SNTG1: variants seen among roughly 807,000 people sequenced by gnomAD.
SNTG1 encodes the protein syntrophin gamma 1, also known as gamma-1-syntrophin.
In SNTG1, 39 loss-of-function variants were observed where a neutral mutation model predicts 74.7. The ratio of observed to expected loss-of-function variants is 0.52; its 90% CI spans 0.40 to 0.68. The LOEUF (loss-of-function observed/expected upper bound fraction) is 0.68, where lower values mean the gene tolerates loss of function less well. Ranked by LOEUF, SNTG1 falls within the 30% of genes least tolerant of loss-of-function variation. The probability of loss-of-function intolerance (pLI) is 0.00; values close to 1 mark genes in which losing one functional copy is unlikely to be tolerated. For synonymous variants in SNTG1, 254 were observed against 217.1 expected (o/e 1.17, Z -1.49); for missense variants, 685 against 609.5 (o/e 1.12, Z -1.30).
At chr8:50,685,382 C>T (rs926074815) in intron 15 of SNTG1, among the ~76,000 whole-genome samples, 6 of 151,990 alleles carry the variant, frequency 3.9e-5, no homozygotes, top group African/African-American at 9.7e-5. Flanking sequence ...TATATAAGCC[C>T]CTTTGCCTCC....
intron 8 of SNTG1, among the ~76,000 whole-genome samples, chr8:50,501,617 T>TA (rs547043751): frequency 0.033 from 4,903 of 147,840 alleles, 122 homozygotes; most frequent in Non-Finnish European, 0.049. Flanking sequence ...TTTTATTTTT[T>TA]TTTTTTTTTT....
chr8:50,058,080 C>G (rs993106916), intron 1 of SNTG1, among the ~76,000 whole-genome samples: 1 of 152,086 alleles, frequency 6.6e-6, no homozygotes, highest in African/African-American at 2.4e-5. Context: ...AGCTCCACCT[C>G]AAAATCCCAA....
At position 50,540,945 on chromosome 8, in the gene SNTG1, A is replaced by G. The variant is rs138151178; in HGVS notation, c.680+4137A>G. On this transcript the variant is annotated intron_variant, in intron 11 of 18. Coordinates refer to ENST00000642720, the MANE Select transcript of SNTG1 (RefSeq NM_018967.5). ...TCTATATATTATACATATATTTGCA[A>G]TATTCTTTGTTGTTTTTAATCCAAA... Among the ~76,000 whole-genome samples, 32 of 152,090 alleles carry G rather than the reference A, an allele frequency of 2.1e-4. No individual in the cohort carries two copies. The East Asian group carries it at 5.6e-3, about 27-fold the overall frequency.
chr8:50,438,660 C>T, intron 5 of SNTG1, 61 bp downstream of exon 5: 4 of 1,364,380 alleles, frequency 2.9e-6, no homozygotes, highest in East Asian at 4.7e-5. Flanking sequence ...AACTTTGGTG[C>T]ATTTCAATGT....
At chr8:50,540,567 G>C (rs1317653845) in intron 11 of SNTG1, among the ~76,000 whole-genome samples, 1 of 151,994 alleles carries the variant, frequency 6.6e-6, no homozygotes, top group South Asian at 2.1e-4. Context: ...TCTGTTTATT[G>C]TATTAGGTTT....
Position 50,611,977 on chromosome 8 carries a change from C to T in SNTG1, c.849+21060C>T, listed in dbSNP as rs368206819. ...CTCCCCATGTTGTCCAGGCTGATCT[C>T]GAACTCCTGGGTTCAAACGGTTCAT... On this transcript the variant is annotated intron_variant, in intron 13 of 18. Coordinates refer to ENST00000642720, the MANE Select transcript of SNTG1 (RefSeq NM_018967.5). 9.2e-5 allele frequency among the ~76,000 whole-genome samples: 14 copies of T among 152,166 alleles called. No homozygotes were observed. The South Asian group carries it at 1.9e-3, about 20-fold the overall frequency.
intron 1 of SNTG1, among the ~76,000 whole-genome samples, chr8:49,986,143 A>C (rs1813132735): frequency 6.6e-6 from 1 of 152,210 alleles, no homozygotes. Context: ...TATCGAGGTA[A>C]GTTTCTGGCA....
chr8:50,432,167 T>C (rs142950655), intron 4 of SNTG1, among the ~76,000 whole-genome samples: 1 of 152,322 alleles, frequency 6.6e-6, no homozygotes, highest in Non-Finnish European at 1.5e-5. Context: ...TTTAAGCCTA[T>C]CTATGATACA....
At chr8:50,425,685 G>T (rs754628095) in intron 4 of SNTG1, among the ~76,000 whole-genome samples, 1 of 152,136 alleles carries the variant, frequency 6.6e-6, no homozygotes, top group Non-Finnish European at 1.5e-5. Flanking sequence ...TGCCAAAAAG[G>T]TTAGGGACTG....
chr8:49,943,814 A>G (rs1808913131), intron 1 of SNTG1, among the ~76,000 whole-genome samples: 1 of 152,194 alleles, frequency 6.6e-6, no homozygotes, highest in African/African-American at 2.4e-5. Context: ...TTTGCATTTT[A>G]TTTCCATTTT....
intron 1 of SNTG1, among the ~76,000 whole-genome samples, chr8:50,159,815 T>G (rs950504908): frequency 6.6e-6 from 1 of 152,154 alleles, no homozygotes; most frequent in African/African-American, 2.4e-5. Flanking sequence ...CCATTGGTCT[T>G]ACAGGTTCCA....
chr8:50,173,305 C>T (rs1363571160), intron 2 of SNTG1, among the ~76,000 whole-genome samples: 1 of 152,070 alleles, frequency 6.6e-6, no homozygotes, highest in Non-Finnish European at 1.5e-5. Flanking sequence ...GTGAACGTGG[C>T]TAGAAAAGGT....
chr8:50,139,068 T>G (rs2081574508), intron 1 of SNTG1, among the ~76,000 whole-genome samples: 2 of 152,318 alleles, frequency 1.3e-5, no homozygotes, highest in South Asian at 2.1e-4. Flanking sequence ...ATTTGTAATG[T>G]GTATATTTGC....
intron 1 of SNTG1, among the ~76,000 whole-genome samples, chr8:50,093,466 C>G (rs769925556): frequency 6.6e-6 from 1 of 151,996 alleles, no homozygotes; most frequent in African/African-American, 2.4e-5. Context: ...CAGTAATTAG[C>G]ACCAAATAAC....
chr8:49,929,916 T>C (rs922046165), intron 1 of SNTG1, among the ~76,000 whole-genome samples: 2 of 131,442 alleles, frequency 1.5e-5, no homozygotes, highest in Non-Finnish European at 3.1e-5. Context: ...CCTTCCTGTG[T>C]CCATGTGATC....
intron 13 of SNTG1, among the ~76,000 whole-genome samples, chr8:50,600,572 C>T (rs80334771): frequency 1.3e-5 from 2 of 152,034 alleles, no homozygotes; most frequent in African/African-American, 2.4e-5. Context: ...CAATTTATTG[C>T]CATATATTTT....
intron 1 of SNTG1, among the ~76,000 whole-genome samples, chr8:50,014,692 T>A (rs535686140): frequency 5.7e-4 from 86 of 152,168 alleles, no homozygotes; most frequent in African/African-American, 1.9e-3. Flanking sequence ...AGGCAAGCAA[T>A]GTAGGGAAAA....
At chr8:50,514,950 A>T (rs2094118628) in intron 9 of SNTG1, among the ~76,000 whole-genome samples, 1 of 152,180 alleles carries the variant, frequency 6.6e-6, no homozygotes, top group Admixed American at 6.5e-5. Flanking sequence ...TTCATGGTGA[A>T]TTGACAGTTT....
rs546373274 is a variant in SNTG1 at position 50,543,758 on chromosome 8, G to A, written c.680+6950G>A. On this transcript the variant is annotated intron_variant, in intron 11 of 18. Transcript: ENST00000642720. ...TAATAGTATTTTAGTCTTTTAAGAA[G>A]CAACCAAATTGCTCTCTAGAGTGAT... Among the ~76,000 whole-genome samples the A allele has an allele frequency of 5.9e-5, 9 of 151,934 alleles. No homozygotes were observed. The South Asian group carries it at 1.9e-3, about 31-fold the overall frequency.
Sources: allele counts gnomAD v4.1 joint callset (sites outside exome capture counted in the v4.1 genomes callset), GRCh38; gene constraint gnomAD v4.1.1; transcripts MANE v1.5; gene names NCBI Gene and HGNC (gene_info 2026-07-23, HGNC 2026-07-21).